The following FAM171A1 variants were observed in gnomAD, a reference collection of about 807,000 sequenced individuals.
FAM171A1 encodes the protein family with sequence similarity 171 member A1.
FAM171A1 carries 23 observed loss-of-function variants against 74.9 expected under a neutral mutation model. The ratio of observed to expected loss-of-function variants is 0.31; its 90% CI spans 0.22 to 0.44. FAM171A1 has a LOEUF of 0.44. Ranked by LOEUF, FAM171A1 falls within the 20% of genes least tolerant of loss-of-function variation. The probability of loss-of-function intolerance (pLI) is 1.00; values close to 1 mark genes in which losing one functional copy is unlikely to be tolerated. For synonymous variants in FAM171A1, 527 were observed against 505.7 expected (o/e 1.04, Z -0.57); for missense variants, 1,162 against 1,159.2 (o/e 1.00, Z -0.03).
chr10:15,373,612 A>G (rs1208434749), upstream of FAM171A1, among the ~76,000 whole-genome samples: 1 of 152,234 alleles, frequency 6.6e-6, no homozygotes, highest in East Asian at 1.9e-4. Context: ...TGGCATTGAC[A>G]GTGTACTACA....
intron 4 of FAM171A1, among the ~76,000 whole-genome samples, chr10:15,254,151 T>C (rs1834544520): frequency 6.6e-6 from 1 of 152,082 alleles, no homozygotes; most frequent in Non-Finnish European, 1.5e-5. Flanking sequence ...AAGAGCTGGG[T>C]GGACACAGAT....
intron 3 of FAM171A1, among the ~76,000 whole-genome samples, chr10:15,263,242 G>A (rs954692885): frequency 5.9e-5 from 9 of 152,104 alleles, no homozygotes; most frequent in African/African-American, 1.4e-4. Flanking sequence ...TAGAGGCTCC[G>A]GGAGCCAGAG....
chr10:15,249,361 C>T (rs186364315), intron 4 of FAM171A1, among the ~76,000 whole-genome samples: 1 of 152,270 alleles, frequency 6.6e-6, no homozygotes, highest in African/African-American at 2.4e-5. Context: ...AATCCCAGGC[C>T]TGTGCTGGGA....
chr10:15,358,373 C>G (rs1835957035), intron 1 of FAM171A1, among the ~76,000 whole-genome samples: 1 of 152,124 alleles, frequency 6.6e-6, no homozygotes, highest in Non-Finnish European at 1.5e-5. Context: ...GCAAAGAAAG[C>G]CCTCACTCTA....
At chr10:15,277,738 A>C (rs1307724250) in intron 2 of FAM171A1, among the ~76,000 whole-genome samples, 1 of 152,086 alleles carries the variant, frequency 6.6e-6, no homozygotes, top group Non-Finnish European at 1.5e-5. Context: ...AGTGCTAAGA[A>C]GATCAGTCAC....
chr10:15,236,621 A>G (rs1834294276), intron 5 of FAM171A1, among the ~76,000 whole-genome samples: 1 of 152,216 alleles, frequency 6.6e-6, no homozygotes, highest in South Asian at 2.1e-4. Context: ...TGTCTCATCC[A>G]GTGCAATATT....
rs559973891 is a variant in FAM171A1 at position 15,255,868 on chromosome 10, G to T, written c.419-989C>A. ...TCACCATGTTGGCCAGGCTGGTCTT[G>T]AACTCCTGACCTCAGGTGATCCACC... On this transcript the variant is annotated intron_variant, in intron 3 of 7. Transcript: ENST00000378116. Among the ~76,000 whole-genome samples, 12 of 152,076 alleles carry T rather than the reference G, an allele frequency of 7.9e-5. No individual in the cohort carries two copies. The East Asian group carries it at 1.4e-3, about 17-fold the overall frequency.
At chr10:15,340,412 C>T (rs1208276809) in intron 1 of FAM171A1, among the ~76,000 whole-genome samples, 1 of 152,190 alleles carries the variant, frequency 6.6e-6, no homozygotes, top group Non-Finnish European at 1.5e-5. Context: ...TCATGTCCCA[C>T]TATATTGAAA....
intron 1 of FAM171A1, among the ~76,000 whole-genome samples, chr10:15,349,026 G>T (rs1259069953): frequency 2.0e-5 from 3 of 152,184 alleles, no homozygotes; most frequent in African/African-American, 7.2e-5. Flanking sequence ...CATGAATCGG[G>T]AGGGAGGAAA....
At position 15,234,193 on chromosome 10, in the gene FAM171A1, C is replaced by A. The variant is rs536018333; in HGVS notation, c.755-13133G>T. ...AAGTGTTGATCTTCTTTTAAAAAATCATGTGTTAAGTGAGTGCTAACATAA... is the reference window on the plus strand; with the variant it reads ...AAGTGTTGATCTTCTTTTAAAAAATAATGTGTTAAGTGAGTGCTAACATAA... On this transcript the variant is annotated intron_variant, in intron 5 of 7. Transcript: ENST00000378116. Among the ~76,000 whole-genome samples, 7 of 151,748 alleles carry A rather than the reference C, an allele frequency of 4.6e-5. 1 individual carries two copies. In the East Asian group the frequency reaches 1.2e-3, roughly 25 times the overall value.
At chr10:15,360,183 T>C (rs942741227) in intron 1 of FAM171A1, among the ~76,000 whole-genome samples, 1 of 152,184 alleles carries the variant, frequency 6.6e-6, no homozygotes, top group Non-Finnish European at 1.5e-5. Flanking sequence ...TCTCCCCACC[T>C]TGGCTTCCCA....
At chr10:15,338,969 C>T (rs1002158852) in intron 1 of FAM171A1, among the ~76,000 whole-genome samples, 7 of 152,122 alleles carry the variant, frequency 4.6e-5, no homozygotes, top group Non-Finnish European at 8.8e-5. Context: ...GAACTCCTGA[C>T]CTCAAGTGAT....
chr10:15,236,328 T>C (rs1329066863), intron 5 of FAM171A1, among the ~76,000 whole-genome samples: 1 of 149,034 alleles, frequency 6.7e-6, no homozygotes, highest in Admixed American at 6.7e-5. Flanking sequence ...GGCTAAATAA[T>C]AGCAGCGATG....
At chr10:15,262,158 G>C (rs1439429996) in intron 3 of FAM171A1, among the ~76,000 whole-genome samples, 1 of 152,154 alleles carries the variant, frequency 6.6e-6, no homozygotes, top group Non-Finnish European at 1.5e-5. Context: ...GGGCCTGCAG[G>C]GGAGAGCGTG....
At chr10:15,355,474 T>C (rs578232925) in intron 1 of FAM171A1, among the ~76,000 whole-genome samples, 34 of 152,246 alleles carry the variant, frequency 2.2e-4, no homozygotes, top group African/African-American at 7.2e-4. Flanking sequence ...TCCCAGCACT[T>C]TGGGAGGCCG....
At chr10:15,336,789 A>G (rs1835705834) in intron 1 of FAM171A1, among the ~76,000 whole-genome samples, 1 of 152,152 alleles carries the variant, frequency 6.6e-6, no homozygotes, top group Non-Finnish European at 1.5e-5. Context: ...TCCCTCCCCA[A>G]GGATACAATG....
chr10:15,255,791 G>A lies in FAM171A1; in HGVS notation c.419-912C>T, dbSNP rs149624094. On this transcript the variant is annotated intron_variant, in intron 3 of 7. Coordinates refer to ENST00000378116, the MANE Select transcript of FAM171A1 (RefSeq NM_001010924.2). Reference sequence around the variant, plus strand: ...GTCTCCCAAGTAGCTGGGATTACAGGTGCCCGCCACCACACCCAGCTAATT... The same window carrying A: ...GTCTCCCAAGTAGCTGGGATTACAGATGCCCGCCACCACACCCAGCTAATT... 3.0e-3 allele frequency among the ~76,000 whole-genome samples: 449 copies of A among 152,046 alleles called. 6 individuals are homozygous for A. The highest frequency in any genetic ancestry group is 0.01 in the African/African-American group (429 of 41,498).
At chr10:15,332,139 A>C (rs1449312655) in intron 1 of FAM171A1, among the ~76,000 whole-genome samples, 1 of 151,624 alleles carries the variant, frequency 6.6e-6, no homozygotes, top group African/African-American at 2.4e-5. Flanking sequence ...TTTTTAGTAG[A>C]GATGGGGTTT....
chr10:15,340,488 T>A (rs1369110990), intron 1 of FAM171A1, among the ~76,000 whole-genome samples: 1 of 152,198 alleles, frequency 6.6e-6, no homozygotes, highest in Non-Finnish European at 1.5e-5. Flanking sequence ...CTGCAAATGC[T>A]GAACTCACTA....
Sources: gnomAD v4.1 joint callset for allele counts (sites outside exome capture counted in the v4.1 genomes callset) on GRCh38, gnomAD v4.1.1 for gene constraint, MANE v1.5 for transcripts, NCBI Gene and HGNC (gene_info 2026-07-23, HGNC 2026-07-21) for gene names.